The following CFAP77 variants were observed in gnomAD, a reference collection of about 807,000 sequenced individuals.
CFAP77 encodes cilia- and flagella-associated protein 77.
CFAP77 carries 25 observed loss-of-function variants against 31.1 expected under a neutral mutation model. That is an observed-to-expected ratio of 0.80 (90% CI 0.59 to 1.12). The LOEUF (loss-of-function observed/expected upper bound fraction) is 1.12. Ranked by LOEUF, CFAP77 falls within the 50% of genes most tolerant of loss-of-function variation. The pLI is 0.00. For missense variants in CFAP77, 377 were observed against 397.3 expected, an observed-to-expected ratio of 0.95 and a Z score of 0.44; for synonymous variants, 151 against 159.9, an observed-to-expected ratio of 0.94 and a Z score of 0.42.
intron 1 of CFAP77, among the ~76,000 whole-genome samples, chr9:132,427,211 G>A (rs1018285672): frequency 1.3e-5 from 2 of 152,204 alleles, no homozygotes; most frequent in African/African-American, 4.8e-5. Context: ...CTCTATCTGG[G>A]TGAAGAAGTT....
chr9:132,509,169 C>T (rs556098977), intron 3 of CFAP77, among the ~76,000 whole-genome samples: 1 of 152,332 alleles, frequency 6.6e-6, no homozygotes, highest in Admixed American at 6.5e-5. Context: ...CAGCAGACGC[C>T]CGTCACCTCT....
In CFAP77 at chr9:132,473,746, C is replaced by T. The variant is rs541785514; in HGVS notation, c.196-24949C>T. Among the ~76,000 whole-genome samples the T allele has an allele frequency of 1.1e-4, 16 of 152,260 alleles. No individual in the cohort carries two copies. In the South Asian group the frequency reaches 1.9e-3, roughly 18 times the overall value. On this transcript the variant is annotated intron_variant, in intron 1 of 5. Coordinates refer to ENST00000393216, the MANE Select transcript of CFAP77 (RefSeq NM_001282957.2). ...TCACCCAGGCTGGAGCGCAATGGTG[C>T]GATCTCAGCTCACTACAACCTCTAC... is the stretch of plus-strand genomic sequence containing the variant.
intron 1 of CFAP77, among the ~76,000 whole-genome samples, chr9:132,436,295 C>T (rs911557169): frequency 6.6e-6 from 1 of 152,150 alleles, no homozygotes; most frequent in African/African-American, 2.4e-5. Flanking sequence ...CCTCTGTGGT[C>T]ACGTGGCCTC....
chr9:132,422,873 T>C (rs1171961715), intron 1 of CFAP77, among the ~76,000 whole-genome samples: 1 of 152,220 alleles, frequency 6.6e-6, no homozygotes, highest in Non-Finnish European at 1.5e-5. Flanking sequence ...GACATGTTAG[T>C]TGCATCCTGG....
At chr9:132,550,448 A>G (rs973038473) in intron 5 of CFAP77, among the ~76,000 whole-genome samples, 7 of 148,016 alleles carry the variant, frequency 4.7e-5, no homozygotes, top group African/African-American at 1.7e-4. Flanking sequence ...ATCTCCGATG[A>G]TCTAGAGAGA....
chr9:132,557,179 G>A (rs1466318888), intron 5 of CFAP77, among the ~76,000 whole-genome samples: 1 of 152,188 alleles, frequency 6.6e-6, no homozygotes, highest in Non-Finnish European at 1.5e-5. Flanking sequence ...GGGGCTCCAA[G>A]GTGCAGACGG....
In CFAP77 at chr9:132,499,350, G is replaced by T. The variant is rs200015799; in HGVS notation, c.296-22G>T. ...TTACTCCCAGGCTGACCACTGCCCCGTGGGTCTCTCCCTGCCCTCAGCCAT... is the reference window on the plus strand; with the variant it reads ...TTACTCCCAGGCTGACCACTGCCCCTTGGGTCTCTCCCTGCCCTCAGCCAT... On this transcript the variant is annotated intron_variant, in intron 2 of 5. Coordinates refer to ENST00000393216, the MANE Select transcript of CFAP77 (RefSeq NM_001282957.2). The surrounding 1 kb of genome is among the most constrained non-coding windows in gnomAD (Gnocchi z 5.4). The T allele has an allele frequency of 1.2e-6, 2 of 1,610,730 alleles. No homozygotes were observed. The highest frequency in any genetic ancestry group is 1.3e-5 in the African/African-American group (1 of 75,010).
In CFAP77 at chr9:132,451,166, G is replaced by A. The variant is rs139582453; in HGVS notation, c.195+40700G>A. Among the ~76,000 whole-genome samples the A allele has an allele frequency of 2.9e-3, 438 of 152,030 alleles. 2 individuals are homozygous for A. Among genetic ancestry groups the A allele is most frequent in the African/African-American group, 9.2e-3 (383 of 41,484 alleles). ...AGCCTGGCCAACATGGTGAAACCCC[G>A]TCTCTACTATGAATACAAAAAATTA... is the stretch of plus-strand genomic sequence containing the variant. On this transcript the variant is annotated intron_variant, in intron 1 of 5. Coordinates refer to ENST00000393216, the MANE Select transcript of CFAP77 (RefSeq NM_001282957.2).
At chr9:132,486,086 ATATATTTTTTT>A (rs1851549791) in intron 1 of CFAP77, among the ~76,000 whole-genome samples, 1 of 17,614 alleles carries the variant, frequency 5.7e-5, no homozygotes, top group Admixed American at 8.3e-4. Context: ...ATATATATAT[ATATATTTTTTT>A]TTTTTTTTTT....
chr9:132,413,349 C>T (rs1177169292), intron 1 of CFAP77, among the ~76,000 whole-genome samples: 1 of 152,138 alleles, frequency 6.6e-6, no homozygotes, highest in Non-Finnish European at 1.5e-5. Flanking sequence ...CAACCATTTG[C>T]CTCATTTAAA....
intron 1 of CFAP77, among the ~76,000 whole-genome samples, chr9:132,423,920 T>G (rs182040486): frequency 2.5e-4 from 38 of 152,320 alleles, no homozygotes; most frequent in Admixed American, 8.5e-4. Context: ...AAGAATCCAG[T>G]TAATCCATGT....
chr9:132,485,985 CATATATATATAT>C lies in CFAP77; in HGVS notation c.196-12665_196-12654del, dbSNP rs61265124. On this transcript the variant is annotated intron_variant, in intron 1 of 5. Coordinates refer to ENST00000393216, the MANE Select transcript of CFAP77 (RefSeq NM_001282957.2). ...TGCTGGGATTTGAGAACACACACCT[CATATATATATAT>C]ATATATATATATATATATATATATA... Among the ~76,000 whole-genome samples, 316 of 53,438 alleles carry C rather than the reference CATATATATATAT, an allele frequency of 5.9e-3. 5 individuals carry two copies. The highest frequency in any genetic ancestry group is 8.9e-3 in the Non-Finnish European group (265 of 29,740). The allele number at this position is 53,438 out of a possible 152,430, so 35.1% of individuals were successfully genotyped here. A position where few individuals can be genotyped will look rare whatever the true frequency, so the allele number is the denominator to read the frequency against.
chr9:132,501,719 C>T lies in CFAP77; in HGVS notation c.524+2119C>T, dbSNP rs887077313. Among the ~76,000 whole-genome samples the T allele has an allele frequency of 2.0e-5, 3 of 152,212 alleles. No individual in the cohort carries two copies. The highest frequency in any genetic ancestry group is 7.2e-5 in the African/African-American group (3 of 41,466). ...CGCCCGGTTACATGACTATCTTCTACTCAGCCACTGTGGTCAGGGCTGAGA... is the reference window on the plus strand; with the variant it reads ...CGCCCGGTTACATGACTATCTTCTATTCAGCCACTGTGGTCAGGGCTGAGA... On this transcript the variant is annotated intron_variant, in intron 3 of 5. Transcript: ENST00000393216. The surrounding 1 kb of genome is among the most constrained non-coding windows in gnomAD (Gnocchi z 4.6).
chr9:132,548,225 A>C (rs1028569748), intron 5 of CFAP77, among the ~76,000 whole-genome samples: 4 of 126,154 alleles, frequency 3.2e-5, no homozygotes, highest in African/African-American at 1.2e-4. Context: ...ATGCCTACAG[A>C]CATTCGGCAG....
intron 1 of CFAP77, among the ~76,000 whole-genome samples, chr9:132,476,388 A>C (rs1017791547): frequency 1.3e-5 from 2 of 151,984 alleles, no homozygotes; most frequent in African/African-American, 4.8e-5. Context: ...GGGTCCCCAG[A>C]ACTTTGCTTA....
intron 1 of CFAP77, among the ~76,000 whole-genome samples, chr9:132,423,015 C>T (rs1236003773): frequency 3.3e-5 from 5 of 152,194 alleles, no homozygotes; most frequent in Non-Finnish European, 5.9e-5. Flanking sequence ...TTCACCAAGT[C>T]GTTCAAGGGA....
intron 1 of CFAP77, among the ~76,000 whole-genome samples, chr9:132,451,852 T>A (rs1850833652): frequency 6.6e-6 from 1 of 151,348 alleles, no homozygotes. Context: ...TCGCCTAGGC[T>A]GGAGTGCAGT....
chr9:132,570,366 G>A (rs1346368028), intron 5 of CFAP77, among the ~76,000 whole-genome samples: 1 of 152,218 alleles, frequency 6.6e-6, no homozygotes, highest in Non-Finnish European at 1.5e-5. Flanking sequence ...TAGCTTTTGG[G>A]CTGGGCTCAG....
At chr9:132,566,884 T>A (rs894152934) in intron 5 of CFAP77, among the ~76,000 whole-genome samples, 1 of 152,200 alleles carries the variant, frequency 6.6e-6, no homozygotes, top group African/African-American at 2.4e-5. Flanking sequence ...GAGAAGTCCT[T>A]GCTGGCCGCT....
Sources: gnomAD v4.1 joint callset for allele counts (sites outside exome capture counted in the v4.1 genomes callset) on GRCh38, gnomAD v4.1.1 for gene constraint, Gnocchi (gnomAD v3.1) non-coding constraint, MANE v1.5 for transcripts, NCBI Gene and HGNC (gene_info 2026-07-23, HGNC 2026-07-21) for gene names.